ASPH: variants seen among roughly 807,000 people sequenced by gnomAD.
ASPH encodes aspartate beta-hydroxylase.
In ASPH, 100 loss-of-function variants were observed where a neutral mutation model predicts 118.4. The observed-to-expected ratio is 0.84, with a 90% CI of 0.72 to 1.00. The LOEUF (loss-of-function observed/expected upper bound fraction) is 1.00. Among genes scored for constraint, ASPH ranks in the 50% least tolerant of loss-of-function variants. ASPH has a pLI of 0.00. For synonymous variants in ASPH, 315 were observed against 325.6 expected (o/e 0.97, Z 0.35); for missense variants, 920 against 919.5 (o/e 1.00, Z -0.01).
At chr8:61,690,436 A>G (rs2151780593) in intron 1 of ASPH, among the ~76,000 whole-genome samples, 1 of 152,158 alleles carries the variant, frequency 6.6e-6, no homozygotes, top group Non-Finnish European at 1.5e-5. Flanking sequence ...TTCAGGAGTA[A>G]GAATAATGAC....
At chr8:61,697,077 G>C (rs183476947) in intron 1 of ASPH, among the ~76,000 whole-genome samples, 226 of 152,222 alleles carry the variant, frequency 1.5e-3, no homozygotes, top group African/African-American at 5.0e-3. Context: ...TTAAAATAAA[G>C]TGCCCTACAG....
At chr8:61,681,371 T>C (rs538951064) in intron 2 of ASPH, among the ~76,000 whole-genome samples, 1 of 151,964 alleles carries the variant, frequency 6.6e-6, no homozygotes, top group East Asian at 1.9e-4. Flanking sequence ...GTTTTTAGCA[T>C]ATATGAAATA....
chr8:61,556,335 A>G (rs1031654508), intron 18 of ASPH, among the ~76,000 whole-genome samples: 5 of 152,242 alleles, frequency 3.3e-5, no homozygotes, highest in African/African-American at 7.2e-5. Flanking sequence ...ATATCTCTCA[A>G]TTGATATGAC....
chr8:61,615,690 T>C (rs1278942015), intron 14 of ASPH, among the ~76,000 whole-genome samples: 2 of 152,226 alleles, frequency 1.3e-5, no homozygotes, highest in Non-Finnish European at 2.9e-5. Flanking sequence ...TGGGAAAAGA[T>C]GACATCCAGT....
At chr8:61,598,284 G>T (rs529328726) in intron 14 of ASPH, among the ~76,000 whole-genome samples, 1 of 152,106 alleles carries the variant, frequency 6.6e-6, no homozygotes, top group African/African-American at 2.4e-5. Flanking sequence ...GACAGAAAAA[G>T]ATATGCAGGC....
At chr8:61,511,962 A>T (rs1057471397) in intron 24 of ASPH, among the ~76,000 whole-genome samples, 4 of 152,204 alleles carry the variant, frequency 2.6e-5, no homozygotes, top group Non-Finnish European at 5.9e-5. Context: ...CATGAACAGA[A>T]GGCCCAGAAA....
At chr8:61,540,938 A>G (rs866779523) in intron 21 of ASPH, among the ~76,000 whole-genome samples, 182 of 151,828 alleles carry the variant, frequency 1.2e-3, no homozygotes, top group African/African-American at 4.2e-3. Flanking sequence ...ATAATTTTAA[A>G]AATAAGAATT....
intron 1 of ASPH, among the ~76,000 whole-genome samples, chr8:61,693,175 G>C (rs942519414): frequency 7.2e-5 from 11 of 152,086 alleles, no homozygotes; most frequent in Non-Finnish European, 1.2e-4. Flanking sequence ...TGGCCAGCTA[G>C]ACAGGTGCTT....
chr8:61,656,966 A>T (rs1426507886), intron 3 of ASPH: 1 of 152,230 alleles, frequency 6.6e-6, no homozygotes, highest in Admixed American at 6.5e-5. Context: ...TCGTTCAACA[A>T]ATATTTAGCA....
intron 14 of ASPH, among the ~76,000 whole-genome samples, chr8:61,609,359 G>A (rs1846592111): frequency 7.6e-6 from 1 of 131,044 alleles, no homozygotes; most frequent in Admixed American, 8.2e-5. Flanking sequence ...AGATTTGCCT[G>A]CTGCCTCCCG....
chr8:61,614,640 G>A (rs1049340316), intron 14 of ASPH, among the ~76,000 whole-genome samples: 1 of 152,020 alleles, frequency 6.6e-6, no homozygotes, highest in Non-Finnish European at 1.5e-5. Flanking sequence ...GCTACGTGTT[G>A]GGTTTTTGTT....
At chr8:61,572,184 C>G (rs1007429253) in intron 16 of ASPH, among the ~76,000 whole-genome samples, 7 of 152,196 alleles carry the variant, frequency 4.6e-5, no homozygotes, top group African/African-American at 1.7e-4. Context: ...GAGTTAGTTC[C>G]TGTGTGTGTC....
At chr8:61,646,938 G>A in intron 5 of ASPH, 60 bp from the exon 6 acceptor site, 1 of 1,605,984 alleles carries the variant, frequency 6.2e-7, no homozygotes, top group Non-Finnish European at 8.5e-7. Context: ...AGCCCCTTGT[G>A]AAGGGCTGCC....
intron 14 of ASPH, among the ~76,000 whole-genome samples, chr8:61,587,959 AC>A (rs1469840214): frequency 6.6e-6 from 1 of 152,072 alleles, no homozygotes; most frequent in Non-Finnish European, 1.5e-5. Context: ...CAGCTTTCTT[AC>A]CCATGGGTAA....
At chr8:61,667,901 T>C (rs1820503346) in intron 3 of ASPH, among the ~76,000 whole-genome samples, 1 of 152,100 alleles carries the variant, frequency 6.6e-6, no homozygotes, top group African/African-American at 2.4e-5. Context: ...GTAAGAAAGG[T>C]TTTAGGGAAC....
At position 61,532,619 on chromosome 8, in the gene ASPH, T is replaced by C. The variant is rs368849380; in HGVS notation, c.1765-6507A>G. Among the ~76,000 whole-genome samples the C allele has an allele frequency of 6.0e-4, 92 of 152,332 alleles. No homozygotes were observed. In the South Asian group the frequency reaches 9.5e-3, roughly 16 times the overall value. The stretch of plus-strand genomic sequence containing the variant: ...ATTATTGCCAAGAGGAATGTCTTTT[T>C]ATAATTTTGAAAGGATTAGTCCATT... On this transcript the variant is annotated intron_variant, in intron 21 of 24. Coordinates refer to ENST00000379454, the MANE Select transcript of ASPH (RefSeq NM_004318.4).
Position 61,567,317 on chromosome 8 carries a change from C to A in ASPH, c.1151G>T (p.Cys384Phe). Reference protein sequence around the residue: ...SPRARYGKAQCEDDLAEKRRS... With the variant: ...SPRARYGKAQFEDDLAEKRRS... ...CCTCTTCTCAGCCAAATCATCCTCA[C>A]ACTAGAAGAAGTCCCCAGACTGGAT... The change falls in exon 17 of 25, where the codon TGT becomes TTT. Residue 384 changes from cysteine to phenylalanine, a missense_variant and splice_region_variant. Coordinates refer to ENST00000379454, the MANE Select transcript of ASPH (RefSeq NM_004318.4). 6.2e-7 allele frequency: 1 copy of A among 1,613,174 alleles called. No homozygotes were observed. Among genetic ancestry groups the A allele is most frequent in the Admixed American group, 1.7e-5 (1 of 59,848 alleles).
rs1017840980 is a variant in ASPH, at chr8:61,704,221, A to C, written c.103+10048T>G. 1.9e-4 allele frequency among the ~76,000 whole-genome samples: 28 copies of C among 146,844 alleles called. No individual in the cohort carries two copies. The South Asian group carries it at 5.7e-3, about 30-fold the overall frequency. ...AAAAAAAAAAAAAAAAAAAAAAAAA[A>C]AAAAAAAAAAAACAGAGGGGCTCAG... On this transcript the variant is annotated intron_variant, in intron 1 of 24. Transcript: ENST00000379454.
rs1848886725 is a variant in ASPH, at chr8:61,616,009, C to T, written c.976+2969G>A. On this transcript the variant is annotated intron_variant, in intron 14 of 24. Coordinates refer to ENST00000379454, the MANE Select transcript of ASPH (RefSeq NM_004318.4). ...TTGCTCCAATAGATTTTTAATAAATCTGTGATGACATTGATTCATTATTTC... is the reference window on the plus strand; with the variant it reads ...TTGCTCCAATAGATTTTTAATAAATTTGTGATGACATTGATTCATTATTTC... Among the ~76,000 whole-genome samples the T allele has an allele frequency of 1.3e-5, 2 of 152,122 alleles. 1 individual carries two copies. Among genetic ancestry groups the T allele is most frequent in the South Asian group, 4.1e-4 (2 of 4,824 alleles).
Sources: gnomAD v4.1 joint callset for allele counts (sites outside exome capture counted in the v4.1 genomes callset) on GRCh38, gnomAD v4.1.1 for gene constraint, MANE v1.5 for transcripts, NCBI Gene and HGNC (gene_info 2026-07-23, HGNC 2026-07-21) for gene names.